The following RAB10 variants were observed in gnomAD, a reference collection of about 807,000 sequenced individuals.
The protein encoded by RAB10 is RAB10, member RAS oncogene family.
Under a neutral mutation model 25.7 loss-of-function variants are expected in RAB10, and 5 were observed. The observed-to-expected ratio is 0.19, with a 90% confidence interval of 0.10 to 0.41. The LOEUF (loss-of-function observed/expected upper bound fraction) is 0.41, where lower values mean the gene tolerates loss of function less well. Ranked by LOEUF, RAB10 falls within the 10% of genes least tolerant of loss-of-function variation. The probability of loss-of-function intolerance (pLI) is 1.00; values close to 1 mark genes in which losing one functional copy is unlikely to be tolerated. For synonymous variants in RAB10, 89 were observed against 86.4 expected (o/e 1.03, Z -0.16); for missense variants, 103 against 245.8 (o/e 0.42, Z 3.89).
chr2:26,119,564 C>G lies in RAB10; in HGVS notation c.328-7580C>G, dbSNP rs576403692. ...TTTTAAAGACAGGGTCTCACTCTGT[C>G]AGGTTAGAGTGCAGTGGCACAATCA... On this transcript the variant is annotated intron_variant, in intron 3 of 5. Coordinates refer to ENST00000264710, the MANE Select transcript of RAB10 (RefSeq NM_016131.5). Among the ~76,000 whole-genome samples, 9 of 151,236 alleles carry G rather than the reference C, an allele frequency of 6.0e-5. No homozygotes were observed. In the South Asian group the frequency reaches 1.7e-3, roughly 28 times the overall value.
Position 26,124,831 on chromosome 2 carries a change from T to C in RAB10, c.328-2313T>C, listed in dbSNP as rs112490895. Among the ~76,000 whole-genome samples the C allele has an allele frequency of 3.2e-3, 492 of 152,312 alleles. 2 individuals are homozygous for C. The highest frequency in any genetic ancestry group is 5.1e-3 in the Non-Finnish European group (349 of 68,030). On this transcript the variant is annotated intron_variant, in intron 3 of 5. Transcript: ENST00000264710. Reference sequence around the variant, plus strand: ...TTTCTATGAATTTGACTGTTATAGGTACCTCATATAAGTGGAATCATATAG... The same window carrying C: ...TTTCTATGAATTTGACTGTTATAGGCACCTCATATAAGTGGAATCATATAG...
chr2:26,102,462 G>A (rs1338728180), intron 2 of RAB10, among the ~76,000 whole-genome samples: 5 of 135,308 alleles, frequency 3.7e-5, no homozygotes, highest in East Asian at 2.1e-4. Flanking sequence ...TTTTTGAGAC[G>A]GAGTCTCGCT....
chr2:26,125,044 A>G (rs1340544855), intron 3 of RAB10, among the ~76,000 whole-genome samples: 1 of 152,074 alleles, frequency 6.6e-6, no homozygotes, highest in Non-Finnish European at 1.5e-5. Flanking sequence ...CCCTTTTACT[A>G]TTGTGAATAA....
chr2:26,081,926 GC>G (rs1231222565), intron 1 of RAB10, among the ~76,000 whole-genome samples: 1 of 151,988 alleles, frequency 6.6e-6, no homozygotes, highest in African/African-American at 2.4e-5. Flanking sequence ...TTTTACCTGT[GC>G]TTTTAAGGAA....
At chr2:26,122,603 G>C (rs1315871358) in intron 3 of RAB10, among the ~76,000 whole-genome samples, 1 of 151,738 alleles carries the variant, frequency 6.6e-6, no homozygotes, top group East Asian at 1.9e-4. Context: ...ACTCCAGCCT[G>C]GGCGACAGAG....
intron 5 of RAB10, among the ~76,000 whole-genome samples, chr2:26,128,964 A>T (rs1667957952): frequency 6.6e-6 from 1 of 152,232 alleles, no homozygotes; most frequent in Non-Finnish European, 1.5e-5. Flanking sequence ...AAATGCAAAT[A>T]AATACAGATA....
intron 4 of RAB10, 121 bp downstream of exon 4, chr2:26,127,354 T>C: frequency 1.3e-6 from 1 of 743,500 alleles, no homozygotes; most frequent in East Asian, 3.0e-5. Flanking sequence ...TTTAAAATGC[T>C]TGTTGGAAAT....
intron 1 of RAB10, among the ~76,000 whole-genome samples, chr2:26,082,472 A>G (rs978116977): frequency 2.6e-5 from 4 of 152,134 alleles, no homozygotes; most frequent in African/African-American, 9.7e-5. Flanking sequence ...ATATATACCT[A>G]ATAACAGAAT....
At chr2:26,055,186 A>G (rs1407847261) in intron 1 of RAB10, among the ~76,000 whole-genome samples, 2 of 152,076 alleles carry the variant, frequency 1.3e-5, no homozygotes, top group African/African-American at 4.8e-5. Context: ...GTCTAGTTTC[A>G]GTTCTAGTGG....
chr2:26,125,348 C>A (rs1667883906), intron 3 of RAB10, among the ~76,000 whole-genome samples: 1 of 149,104 alleles, frequency 6.7e-6, no homozygotes, highest in South Asian at 2.1e-4. Flanking sequence ...ATTTCCTAAT[C>A]TTAGTGATAT....
chr2:26,135,050 C>T lies in RAB10; in HGVS notation c.*29C>T. Reference sequence around the variant, plus strand: ...TTCTCCTGTTCCATCAGTTGCCATCCACTACCCCGTTTTCTCTTCTTGCTG... The same window carrying T: ...TTCTCCTGTTCCATCAGTTGCCATCTACTACCCCGTTTTCTCTTCTTGCTG... On this transcript the variant is annotated 3_prime_UTR_variant, in exon 6 of 6. Coordinates refer to ENST00000264710, the MANE Select transcript of RAB10 (RefSeq NM_016131.5). 3 of 1,557,548 alleles carry T rather than the reference C, an allele frequency of 1.9e-6. No homozygotes were observed. Among genetic ancestry groups the T allele is most frequent in the Non-Finnish European group, 2.6e-6 (3 of 1,132,814 alleles).
Position 26,034,545 on chromosome 2 carries a change from G to A in RAB10, c.-64G>A. On this transcript the variant is annotated 5_prime_UTR_variant, in exon 1 of 6. Coordinates refer to ENST00000264710, the MANE Select transcript of RAB10 (RefSeq NM_016131.5). ...CTGAGAACGCCCGAGTGAGGAGTTG[G>A]CCGTAGTGAGAGGGACCGATCCCTT... The A allele has an allele frequency of 2.5e-6, 4 of 1,605,216 alleles. No individual in the cohort carries two copies. In the South Asian group the frequency reaches 3.3e-5, roughly 13 times the overall value.
intron 1 of RAB10, among the ~76,000 whole-genome samples, chr2:26,086,691 C>T (rs542671970): frequency 6.6e-6 from 1 of 152,242 alleles, no homozygotes; most frequent in East Asian, 1.9e-4. Context: ...AATTTAACAG[C>T]TCTATTCATA....
intron 1 of RAB10, among the ~76,000 whole-genome samples, chr2:26,063,430 ATT>A (rs5829995): frequency 6.6e-6 from 1 of 150,552 alleles, no homozygotes; most frequent in Non-Finnish European, 1.5e-5. Context: ...TCTTTATGTG[ATT>A]TTTTTTTTGC....
intron 1 of RAB10, among the ~76,000 whole-genome samples, chr2:26,067,944 G>C (rs1559583370): frequency 6.6e-6 from 1 of 152,218 alleles, no homozygotes; most frequent in Non-Finnish European, 1.5e-5. Context: ...ACTTGCAGCA[G>C]AATTTGCTGG....
At chr2:26,057,956 T>A (rs555053306) in intron 1 of RAB10, among the ~76,000 whole-genome samples, 2 of 152,276 alleles carry the variant, frequency 1.3e-5, no homozygotes, top group African/African-American at 4.8e-5. Context: ...TCTGAACTTC[T>A]CTTTTAGATA....
chr2:26,084,563 T>C (rs1412428077), intron 1 of RAB10, among the ~76,000 whole-genome samples: 2 of 152,214 alleles, frequency 1.3e-5, no homozygotes, highest in Non-Finnish European at 2.9e-5. Context: ...GTATACCAAG[T>C]ACATTATTAT....
rs757813207 is a variant in RAB10 at position 26,098,669 on chromosome 2, C to T, written c.135C>T (p.Asp45=). 2 of 1,588,518 alleles carry T rather than the reference C, an allele frequency of 1.3e-6. No homozygotes were observed. The highest frequency in any genetic ancestry group is 1.7e-6 in the Non-Finnish European group (2 of 1,158,348). Residue 45 remains aspartate (D), a synonymous_variant, in exon 2 of 6, where the codon GAC becomes GAT. Coordinates refer to ENST00000264710, the MANE Select transcript of RAB10 (RefSeq NM_016131.5). The part of the protein sequence containing the change: ...NTTFISTIGI[D]FKIKTVELQG... The stretch of plus-strand genomic sequence containing the variant: ...TTTTTTTCTGCATTGTAGGAATAGA[C>T]TTCAAGATCAAAACAGTTGAATTAC...
intron 3 of RAB10, among the ~76,000 whole-genome samples, chr2:26,117,693 A>G: frequency 6.6e-6 from 1 of 152,256 alleles, no homozygotes; most frequent in Non-Finnish European, 1.5e-5. Context: ...TAAAACAAGT[A>G]CCTAACTAAC....
Sources: gnomAD v4.1 joint callset for allele counts (sites outside exome capture counted in the v4.1 genomes callset) on GRCh38, gnomAD v4.1.1 for gene constraint, MANE v1.5 for transcripts, NCBI Gene and HGNC (gene_info 2026-07-23, HGNC 2026-07-21) for gene names.